Variants in CASK observed in about 807,000 individuals in gnomAD.
CASK encodes the protein calcium/calmodulin dependent serine protein kinase, also known as peripheral plasma membrane protein CASK.
Under a neutral mutation model 82.9 loss-of-function variants are expected in CASK, and 4 were observed. The observed-to-expected ratio is 0.05, with a 90% confidence interval of 0.02 to 0.11. The LOEUF (loss-of-function observed/expected upper bound fraction) is 0.11, where lower values mean the gene tolerates loss of function less well. CASK is among the 10% of genes least tolerant of loss of function. The pLI, the probability that CASK is intolerant of heterozygous loss-of-function variation, is 1.00. For synonymous variants in CASK, 259 were observed against 253.5 expected, an observed-to-expected ratio of 1.02 and a Z score of -0.20; for missense variants, 358 against 720.9, an observed-to-expected ratio of 0.50 and a Z score of 5.76.
At chrX:41,611,681 CTCT>C (rs1201273816) in intron 11 of CASK, among the ~76,000 whole-genome samples, 4 of 74,277 alleles carry the variant, frequency 5.4e-5, no homozygotes, top group Non-Finnish European at 1.0e-4. Flanking sequence ...CTCTCCCTCT[CTCT>C]CTCCCTCTCC....
intron 2 of CASK, among the ~76,000 whole-genome samples, chrX:41,810,365 A>C (rs1388509029): frequency 1.8e-5 from 2 of 112,649 alleles, no homozygotes. Context: ...AGGGAAGCCC[A>C]TCAGACTAGC....
At chrX:41,864,897 C>T (rs1293792008) in intron 1 of CASK, among the ~76,000 whole-genome samples, 1 of 111,992 alleles carries the variant, frequency 8.9e-6, no homozygotes, top group African/African-American at 3.3e-5. Context: ...TTACTCAGCT[C>T]AGTGCAGGGC....
At chrX:41,920,052 G>A (rs842538) in intron 1 of CASK, among the ~76,000 whole-genome samples, 21,371 of 111,465 alleles carry the variant, frequency 0.19, 1,614 homozygotes, top group Middle Eastern at 0.3. Context: ...CACAGTGGGT[G>A]AGTGAGTAGG....
At chrX:41,725,476 C>G (rs1462084203) in intron 5 of CASK, among the ~76,000 whole-genome samples, 2 of 110,777 alleles carry the variant, frequency 1.8e-5, no homozygotes, top group Non-Finnish European at 3.8e-5. Context: ...GATTGAGAAA[C>G]CTTGCTCTAG....
intron 11 of CASK, among the ~76,000 whole-genome samples, chrX:41,615,219 T>G (rs746180063): frequency 8.9e-6 from 1 of 111,956 alleles, no homozygotes; most frequent in South Asian, 3.7e-4. Flanking sequence ...TCAGTCCTCA[T>G]CTCCTCTGTT....
At chrX:41,791,640 T>C (rs1015525740) in intron 2 of CASK, among the ~76,000 whole-genome samples, 15 of 108,448 alleles carry the variant, frequency 1.4e-4, no homozygotes, top group Admixed American at 1.1e-3. Flanking sequence ...GGAGAATTGC[T>C]TGAACCTGGG....
intron 12 of CASK, among the ~76,000 whole-genome samples, chrX:41,597,941 C>T (rs2065843023): frequency 9.0e-6 from 1 of 110,550 alleles, no homozygotes; most frequent in Non-Finnish European, 1.9e-5. Flanking sequence ...GTGTTTGAGA[C>T]CAGCCTGGGC....
chrX:41,904,776 T>C (rs1326021616), intron 1 of CASK, among the ~76,000 whole-genome samples: 1 of 111,846 alleles, frequency 8.9e-6, no homozygotes, highest in Non-Finnish European at 1.9e-5. Context: ...CAGTGTCTAC[T>C]GTTCCCTTCT....
intron 2 of CASK, among the ~76,000 whole-genome samples, chrX:41,813,146 C>T (rs2070333975): frequency 9.0e-6 from 1 of 111,396 alleles, no homozygotes; most frequent in Admixed American, 9.5e-5. Flanking sequence ...GAATCAATAT[C>T]GTGAAAATGG....
chrX:41,558,708 T>G (rs1283562098), intron 18 of CASK: 1 of 110,500 alleles, frequency 9.0e-6, no homozygotes, highest in Non-Finnish European at 1.9e-5. Context: ...CAAGAGGAGC[T>G]CAAGACCCGT....
At chrX:41,868,672 T>C (rs769887053) in intron 1 of CASK, among the ~76,000 whole-genome samples, 1 of 111,813 alleles carries the variant, frequency 8.9e-6, no homozygotes, top group East Asian at 2.8e-4. Context: ...CATTACTAAC[T>C]ATAATGAGAG....
At position 41,559,811 on chromosome X, in the gene CASK, G is replaced by C. The variant is rs1306207437; in HGVS notation, c.1705C>G (p.Pro569Ala). Residue 569 changes from proline to alanine, a missense_variant, in exon 18 of 27, where the codon CCA becomes GCA. Physicochemically the swap from Pro to Ala is conservative, Grantham distance 27 (BLOSUM62 -1). This residue lies in a region of CASK where 41 missense variants were observed against 39.4 expected (regional missense o/e 1.04). Transcript: ENST00000378163. ...GACGAAGACTGAGTGCGGTAACTTG[G>C]CACAATCTTGAAGGTAATACTCCCC... The part of the protein sequence containing the change: ...MRGSITFKIV[P>A]SYRTQSSSCE... 8.3e-7 allele frequency: 1 copy of C among 1,210,526 alleles called. No homozygotes were observed. The highest frequency in any genetic ancestry group is 1.8e-5 in the South Asian group (1 of 56,776).
Position 41,796,173 on chromosome X carries a change from T to C in CASK, c.173-8890A>G, listed in dbSNP as rs964913457. ...TGATATAATAGATAGGGCAATAGAC[T>C]TGTAGTCAAAAGACCTGTCTTTCCT... On this transcript the variant is annotated intron_variant, in intron 2 of 26. Coordinates refer to ENST00000378163, the MANE Select transcript of CASK (RefSeq NM_001367721.1). Among the ~76,000 whole-genome samples the C allele has an allele frequency of 1.2e-4, 14 of 112,595 alleles. No individual in the cohort carries two copies. In the East Asian group the frequency reaches 3.1e-3, roughly 25 times the overall value.
intron 2 of CASK, among the ~76,000 whole-genome samples, chrX:41,822,092 T>C (rs1023023055): frequency 8.9e-6 from 1 of 112,426 alleles, no homozygotes; most frequent in South Asian, 3.7e-4. Context: ...CACCATGTGG[T>C]GAAGCAAAAT....
Position 41,833,946 on chromosome X carries a change from T to C in CASK, c.172+19169A>G, listed in dbSNP as rs990273561. Among the ~76,000 whole-genome samples, 4 of 110,889 alleles carry C rather than the reference T, an allele frequency of 3.6e-5. No homozygotes were observed. In the Admixed American group the frequency reaches 3.8e-4, roughly 11 times the overall value. On this transcript the variant is annotated intron_variant, in intron 2 of 26. Coordinates refer to ENST00000378163, the MANE Select transcript of CASK (RefSeq NM_001367721.1). ...TGTATTTTTTGTAGAGATGGGGTTT[T>C]GCCATGTTGTGCCCAGGGTGGTCTT...
chrX:41,822,154 C>A (rs2070557365), intron 2 of CASK, among the ~76,000 whole-genome samples: 1 of 112,608 alleles, frequency 8.9e-6, no homozygotes, highest in African/African-American at 3.2e-5. Flanking sequence ...AGAGCAGGCA[C>A]TGACTTGTTT....
chrX:41,688,274 A>C (rs2067479056), intron 5 of CASK, among the ~76,000 whole-genome samples: 3 of 111,792 alleles, frequency 2.7e-5, no homozygotes, highest in African/African-American at 9.8e-5. Flanking sequence ...TAGTGCAAAC[A>C]AGCTGCAGGA....
At position 41,517,820 on chromosome X, in the gene CASK, G is replaced by A; in HGVS notation, c.*2600C>T. 1 of 762,516 alleles carries A rather than the reference G, an allele frequency of 1.3e-6. No individual in the cohort carries two copies. Among genetic ancestry groups the A allele is most frequent in the South Asian group, 2.3e-5 (1 of 43,705 alleles). 62.8% of individuals were successfully genotyped at this position (762,516 alleles called of 1,213,427 possible). A position where few individuals can be genotyped will look rare whatever the true frequency, so the allele number is the denominator to read the frequency against. ...AGCAGCAGCAGCAGCAGCAGCAGCA[G>A]CAATGTACTGAAATTACTCTGAATT... On this transcript the variant is annotated 3_prime_UTR_variant, in exon 27 of 27. Coordinates refer to ENST00000378163, the MANE Select transcript of CASK (RefSeq NM_001367721.1).
intron 12 of CASK, among the ~76,000 whole-genome samples, 189 bp downstream of exon 12, chrX:41,609,715 C>T (rs1175618449): frequency 5.5e-5 from 6 of 109,488 alleles, no homozygotes; most frequent in Non-Finnish European, 1.1e-4. Context: ...TGCGCCACCA[C>T]ACCTGGCTAA....
Sources: allele counts gnomAD v4.1 joint callset (sites outside exome capture counted in the v4.1 genomes callset), GRCh38; gene constraint gnomAD v4.1.1; regional missense constraint gnomAD v4.1.1; transcripts MANE v1.5; gene names NCBI Gene and HGNC (gene_info 2026-07-23, HGNC 2026-07-21).